The following UBXN8 variants were observed in gnomAD, a reference collection of about 807,000 sequenced individuals.
UBXN8 encodes the protein UBX domain-containing protein 8.
In UBXN8, 27 loss-of-function variants were observed where a neutral mutation model predicts 32.1. The ratio of observed to expected loss-of-function variants is 0.84; its 90% CI spans 0.62 to 1.16. The LOEUF (loss-of-function observed/expected upper bound fraction) is 1.16, where lower values mean the gene tolerates loss of function less well. UBXN8 is among the 50% of genes most tolerant of loss of function. UBXN8 has a pLI of 0.00. For synonymous variants in UBXN8, 109 were observed against 111.8 expected, an observed-to-expected ratio of 0.98 and a Z score of 0.16; for missense variants, 306 against 311.4, an observed-to-expected ratio of 0.98 and a Z score of 0.13.
At chr8:30,733,971 C>T (rs1805022510) in intron 1 of UBXN8, 1 of 152,224 alleles carries the variant, frequency 6.6e-6, no homozygotes, top group Non-Finnish European at 1.5e-5. Flanking sequence ...ATCTCCCAAG[C>T]TGTAGAGACT....
chr8:30,730,101 C>T (rs1804917136), upstream of UBXN8, among the ~76,000 whole-genome samples: 1 of 152,208 alleles, frequency 6.6e-6, no homozygotes, highest in Non-Finnish European at 1.5e-5. Flanking sequence ...AGTGCTTGTG[C>T]CTCCGCAAGA....
upstream of UBXN8, among the ~76,000 whole-genome samples, chr8:30,740,541 A>G (rs76519416): frequency 3.9e-4 from 50 of 126,750 alleles, no homozygotes; most frequent in African/African-American, 1.3e-3. Context: ...CATCTCCTGG[A>G]AAAAAAAAAA....
At chr8:30,763,525 G>T (rs544993605) in intron 7 of UBXN8, among the ~76,000 whole-genome samples, 178 bp downstream of exon 7, 1 of 152,230 alleles carries the variant, frequency 6.6e-6, no homozygotes. Context: ...CATGCCTGCC[G>T]GATGTCTCTG....
chr8:30,733,606 C>G (rs1442090675), intron 1 of UBXN8, among the ~76,000 whole-genome samples: 1 of 152,182 alleles, frequency 6.6e-6, no homozygotes, highest in African/African-American at 2.4e-5. Context: ...CCCCTGCTCC[C>G]TCAAGCACCT....
At chr8:30,749,411 A>G (rs1415537908) in intron 1 of UBXN8, among the ~76,000 whole-genome samples, 2 of 83,466 alleles carry the variant, frequency 2.4e-5, no homozygotes, top group African/African-American at 6.7e-5. Flanking sequence ...AAAATAAAAT[A>G]AATAAATAAA....
intron 1 of UBXN8, among the ~76,000 whole-genome samples, chr8:30,736,705 T>G (rs766661453): frequency 3.9e-5 from 6 of 152,310 alleles, no homozygotes; most frequent in Non-Finnish European, 7.3e-5. Context: ...ACTCCTGACC[T>G]CAGGTGATCC....
At chr8:30,759,465 C>T (rs575971006) in intron 5 of UBXN8, among the ~76,000 whole-genome samples, 2 of 151,316 alleles carry the variant, frequency 1.3e-5, no homozygotes, top group African/African-American at 2.4e-5. Flanking sequence ...AAACTCCTGA[C>T]CTCAGGTGAT....
intron 1 of UBXN8, among the ~76,000 whole-genome samples, chr8:30,747,633 A>G (rs1029217946): frequency 2.8e-5 from 4 of 141,134 alleles, no homozygotes; most frequent in African/African-American, 1.1e-4. Flanking sequence ...TTACATACCA[A>G]TACTCTAGAT....
At chr8:30,760,434 TATATATA>T (rs1563565489) in intron 5 of UBXN8, among the ~76,000 whole-genome samples, 1 of 42,384 alleles carries the variant, frequency 2.4e-5, no homozygotes, top group African/African-American at 1.1e-4. Flanking sequence ...TATATATATA[TATATATA>T]TATTTTTTTT....
chr8:30,731,782 G>A (rs1213490679), upstream of UBXN8, among the ~76,000 whole-genome samples: 1 of 152,172 alleles, frequency 6.6e-6, no homozygotes, highest in Non-Finnish European at 1.5e-5. Context: ...CCCCAGAGAA[G>A]CTCTTGAAGG....
chr8:30,759,114 C>T (rs574613924), intron 5 of UBXN8, among the ~76,000 whole-genome samples: 125 of 151,432 alleles, frequency 8.3e-4, no homozygotes, highest in Admixed American at 1.6e-3. Context: ...AGGATGGTCT[C>T]GATCTCCTGA....
At chr8:30,745,282 G>A (rs999816350) in intron 1 of UBXN8, among the ~76,000 whole-genome samples, 4 of 152,190 alleles carry the variant, frequency 2.6e-5, no homozygotes, top group Non-Finnish European at 5.9e-5. Context: ...TGGGGCAAGG[G>A]AAAGGAAGGA....
At chr8:30,762,427 C>G (rs143386371) in intron 6 of UBXN8, among the ~76,000 whole-genome samples, 1 of 151,506 alleles carries the variant, frequency 6.6e-6, no homozygotes, top group African/African-American at 2.4e-5. Context: ...TGAGTCTCAC[C>G]GCATTGCTCA....
chr8:30,762,520 G>GT (rs1336840379), intron 6 of UBXN8, among the ~76,000 whole-genome samples: 1 of 152,170 alleles, frequency 6.6e-6, no homozygotes, highest in Non-Finnish European at 1.5e-5. Flanking sequence ...AGCCTCCTGA[G>GT]TAGCTAAGAC....
In UBXN8 at chr8:30,760,928, A is replaced by T. The variant is rs948159110; in HGVS notation, c.569A>T (p.Glu190Val). 1.2e-5 allele frequency: 18 copies of T among 1,528,856 alleles called. No homozygotes were observed. The highest frequency in any genetic ancestry group is 2.4e-5 in the East Asian group (1 of 42,530). 94.7% of individuals were successfully genotyped at this position (1,528,856 alleles called of 1,614,324 possible). A position where few individuals can be genotyped will look rare whatever the true frequency, so the allele number is the denominator to read the frequency against. The change falls in exon 6 of 8, where the codon GAA becomes GTA. Residue 190 changes from glutamate (E) to valine (V), a missense_variant and splice_region_variant. Glu to Val is a moderately radical substitution (Grantham distance 121). Transcript: ENST00000265616. ...LPEEPSQTAE[E>V]VVTVALRCPS... ...GAAGAACCTTCTCAAACAGCAGAAGAAGTAAGTCTATTTTTCTCTTCGAAA... is the reference window on the plus strand; with the variant it reads ...GAAGAACCTTCTCAAACAGCAGAAGTAGTAAGTCTATTTTTCTCTTCGAAA...
chr8:30,747,424 C>T (rs2128753432), intron 1 of UBXN8, among the ~76,000 whole-genome samples: 1 of 133,972 alleles, frequency 7.5e-6, no homozygotes, highest in South Asian at 2.8e-4. Context: ...CATTATCCTG[C>T]CTCAGCCTCC....
intron 1 of UBXN8, among the ~76,000 whole-genome samples, chr8:30,735,657 G>T (rs1805054963): frequency 6.6e-6 from 1 of 152,162 alleles, no homozygotes; most frequent in African/African-American, 2.4e-5. Flanking sequence ...TGACCAACAT[G>T]GTGAAACCCT....
At chr8:30,760,460 A>G (rs1454555669) in intron 5 of UBXN8, among the ~76,000 whole-genome samples, 2 of 57,158 alleles carry the variant, frequency 3.5e-5, no homozygotes, top group Non-Finnish European at 6.3e-5. Flanking sequence ...TTTTTTTTTA[A>G]AGTGACAGGG....
intron 1 of UBXN8, among the ~76,000 whole-genome samples, chr8:30,751,119 C>T (rs1991112): frequency 4.6e-5 from 7 of 152,164 alleles, no homozygotes; most frequent in Admixed American, 4.6e-4. Context: ...TGAGGGATGA[C>T]TATTATATGA....
Sources: gnomAD v4.1 joint callset for allele counts (sites outside exome capture counted in the v4.1 genomes callset) on GRCh38, gnomAD v4.1.1 for gene constraint, MANE v1.5 for transcripts, NCBI Gene and HGNC (gene_info 2026-07-23, HGNC 2026-07-21) for gene names.